The following CPED1 variants were observed in gnomAD, a reference collection of about 807,000 sequenced individuals.
The protein encoded by CPED1 is cadherin like and PC-esterase domain containing 1, also known as cadherin-like and PC-esterase domain-containing protein 1.
A neutral mutation model predicts 128.2 loss-of-function variants in CPED1; 114 were observed. The ratio of observed to expected loss-of-function variants is 0.89; its 90% CI spans 0.76 to 1.04. The LOEUF is 1.04. CPED1 is among the 50% of genes least tolerant of loss of function. CPED1 has a pLI of 0.00. For synonymous variants in CPED1, 462 were observed against 426.7 expected, an observed-to-expected ratio of 1.08 and a Z score of -1.02; for missense variants, 1,211 against 1,207.1, an observed-to-expected ratio of 1.00 and a Z score of -0.05.
intron 2 of CPED1, among the ~76,000 whole-genome samples, chr7:121,004,327 G>C (rs1791948972): frequency 6.6e-6 from 1 of 152,160 alleles, no homozygotes; most frequent in African/African-American, 2.4e-5. Context: ...TCCTCCTCCA[G>C]GGGGTATAAA....
intron 4 of CPED1, among the ~76,000 whole-genome samples, chr7:121,058,471 C>T (rs536744439): frequency 6.6e-6 from 1 of 152,280 alleles, no homozygotes; most frequent in African/African-American, 2.4e-5. Context: ...ATAGCTCACA[C>T]TTACATCTCC....
intron 5 of CPED1, among the ~76,000 whole-genome samples, chr7:121,084,452 G>A (rs1010353131): frequency 1.3e-5 from 2 of 152,130 alleles, no homozygotes; most frequent in African/African-American, 4.8e-5. Flanking sequence ...CTCATCTGTA[G>A]AATCACCATG....
chr7:121,002,970 C>T (rs1402877748), intron 2 of CPED1, among the ~76,000 whole-genome samples: 1 of 152,124 alleles, frequency 6.6e-6, no homozygotes, highest in Non-Finnish European at 1.5e-5. Context: ...TAAAACAAAA[C>T]CTTCCAATAA....
intron 13 of CPED1, among the ~76,000 whole-genome samples, chr7:121,134,640 A>G (rs1732751490): frequency 6.6e-6 from 1 of 152,100 alleles, no homozygotes; most frequent in African/African-American, 2.4e-5. Flanking sequence ...TAGGTATGCT[A>G]ATTAGCCACA....
intron 3 of CPED1, among the ~76,000 whole-genome samples, chr7:121,041,230 C>T (rs908606754): frequency 6.6e-6 from 1 of 152,078 alleles, no homozygotes; most frequent in Admixed American, 6.6e-5. Flanking sequence ...CTGATTCACT[C>T]ATTTATACAT....
intron 16 of CPED1, among the ~76,000 whole-genome samples, chr7:121,150,784 T>G (rs1325635378): frequency 9.2e-6 from 1 of 109,244 alleles, no homozygotes; most frequent in African/African-American, 3.2e-5. Flanking sequence ...ATTATTATTA[T>G]TAGAGATGGA....
chr7:121,093,096 GA>G (rs974268672), intron 5 of CPED1, among the ~76,000 whole-genome samples: 3 of 152,024 alleles, frequency 2.0e-5, no homozygotes, highest in Non-Finnish European at 4.4e-5. Flanking sequence ...AGCACAAGAC[GA>G]ACACTCATTG....
intron 16 of CPED1, among the ~76,000 whole-genome samples, chr7:121,223,092 T>C (rs890501470): frequency 7.2e-5 from 11 of 152,190 alleles, no homozygotes; most frequent in African/African-American, 2.7e-4. Flanking sequence ...GGCTGTGGGT[T>C]TGTGATAAAT....
At position 121,125,508 on chromosome 7, in the gene CPED1, T is replaced by G. The variant is rs547167941; in HGVS notation, c.1062-312T>G. On this transcript the variant is annotated intron_variant, in intron 8 of 22. Coordinates refer to ENST00000310396, the MANE Select transcript of CPED1 (RefSeq NM_024913.5). ...CCAGTGTGTGATGTTCCCCTCCCTGTGTCCATGTGTTCTCATTGTTCAATT... is the reference window on the plus strand; with the variant it reads ...CCAGTGTGTGATGTTCCCCTCCCTGGGTCCATGTGTTCTCATTGTTCAATT... Among the ~76,000 whole-genome samples, 5 of 152,270 alleles carry G rather than the reference T, an allele frequency of 3.3e-5. No homozygotes were observed. In the East Asian group the frequency reaches 9.6e-4, roughly 29 times the overall value.
intron 5 of CPED1, among the ~76,000 whole-genome samples, chr7:121,096,530 A>C (rs1396141009): frequency 6.6e-6 from 1 of 152,176 alleles, no homozygotes; most frequent in East Asian, 1.9e-4. Context: ...ACAAATTTGC[A>C]GTGCGTTTAC....
chr7:121,096,832 T>G (rs1395279673), intron 5 of CPED1, among the ~76,000 whole-genome samples: 1 of 152,110 alleles, frequency 6.6e-6, no homozygotes, highest in Non-Finnish European at 1.5e-5. Context: ...AAGCCAGACA[T>G]ATATTATTAT....
chr7:121,214,943 C>T (rs1375272955), intron 16 of CPED1, among the ~76,000 whole-genome samples: 1 of 151,980 alleles, frequency 6.6e-6, no homozygotes, highest in Non-Finnish European at 1.5e-5. Flanking sequence ...CAGTTTATGA[C>T]ATTAAGACAT....
chr7:121,290,539 G>T (rs1792677772), intron 22 of CPED1, among the ~76,000 whole-genome samples: 1 of 152,122 alleles, frequency 6.6e-6, no homozygotes, highest in South Asian at 2.1e-4. Context: ...GTTTTGATTT[G>T]CATTTCTCTA....
At chr7:121,292,584 A>T (rs1393455638) in intron 22 of CPED1, among the ~76,000 whole-genome samples, 2 of 151,940 alleles carry the variant, frequency 1.3e-5, no homozygotes, top group Non-Finnish European at 2.9e-5. Flanking sequence ...GATCGTTTGG[A>T]GGAGAAGAGG....
At chr7:121,295,327 C>T in intron 22 of CPED1, 113 bp from the exon 23 acceptor site, 1 of 1,267,756 alleles carries the variant, frequency 7.9e-7, no homozygotes, top group East Asian at 2.6e-5. Flanking sequence ...CATAGTCATG[C>T]CCTTTTAGCA....
intron 2 of CPED1, among the ~76,000 whole-genome samples, chr7:121,000,524 G>A (rs1202570622): frequency 1.3e-5 from 2 of 152,060 alleles, no homozygotes; most frequent in East Asian, 1.9e-4. Flanking sequence ...AAGAACACAT[G>A]GATTTGGCAG....
At chr7:121,102,752 C>G (rs932115175) in intron 7 of CPED1, among the ~76,000 whole-genome samples, 11 of 152,028 alleles carry the variant, frequency 7.2e-5, no homozygotes, top group Admixed American at 3.9e-4. Flanking sequence ...AGGAGGAAAA[C>G]GAAAATATTT....
At chr7:121,000,624 C>T (rs1467228626) in intron 2 of CPED1, among the ~76,000 whole-genome samples, 7 of 152,044 alleles carry the variant, frequency 4.6e-5, no homozygotes, top group East Asian at 1.9e-4. Context: ...GAACCCCTAC[C>T]GTTCATTTAT....
chr7:121,177,172 G>A (rs1796802073), intron 16 of CPED1, among the ~76,000 whole-genome samples: 1 of 151,958 alleles, frequency 6.6e-6, no homozygotes, highest in South Asian at 2.1e-4. Flanking sequence ...GCCATTTCTT[G>A]TCTAGTAGTG....
Sources: allele counts gnomAD v4.1 joint callset (sites outside exome capture counted in the v4.1 genomes callset), GRCh38; gene constraint gnomAD v4.1.1; transcripts MANE v1.5; gene names NCBI Gene and HGNC (gene_info 2026-07-23, HGNC 2026-07-21).